Variants in TSHZ2 observed in about 807,000 individuals in gnomAD.
TSHZ2 encodes the protein teashirt homolog 2.
In TSHZ2, 21 loss-of-function variants were observed where a neutral mutation model predicts 74.4. The observed-to-expected ratio is 0.28, with a 90% CI of 0.20 to 0.41. The LOEUF (loss-of-function observed/expected upper bound fraction) is 0.41, where lower values mean the gene tolerates loss of function less well. TSHZ2 is among the 10% of genes least tolerant of loss of function. The probability of loss-of-function intolerance (pLI) is 1.00; values close to 1 mark genes in which losing one functional copy is unlikely to be tolerated. For synonymous variants in TSHZ2, 540 were observed against 515.3 expected (o/e 1.05, Z -0.65); for missense variants, 1,244 against 1,293.5 (o/e 0.96, Z 0.59).
At chr20:53,315,010 A>C (rs1271262952) in intron 2 of TSHZ2, among the ~76,000 whole-genome samples, 1 of 152,218 alleles carries the variant, frequency 6.6e-6, no homozygotes, top group Non-Finnish European at 1.5e-5. Flanking sequence ...AAGAATTGAC[A>C]CAATATTACC....
intron 2 of TSHZ2, among the ~76,000 whole-genome samples, chr20:53,338,585 G>T (rs1023903337): frequency 4.6e-5 from 7 of 152,200 alleles, no homozygotes; most frequent in Admixed American, 3.9e-4. Context: ...ATCATGACTT[G>T]GAGGGCTGGG....
intron 1 of TSHZ2, among the ~76,000 whole-genome samples, chr20:53,144,029 C>A (rs1302133515): frequency 6.6e-6 from 1 of 152,070 alleles, no homozygotes; most frequent in Admixed American, 6.6e-5. Context: ...TGTACTCTTG[C>A]ACTAAGTCAG....
Position 52,972,422 on chromosome 20 carries a change from G to GGT in TSHZ2, c.-859_-858dup, listed in dbSNP as rs370946896. The GGT allele has an allele frequency of 1.4e-5, 2 of 143,970 alleles. No homozygotes were observed. The highest frequency in any genetic ancestry group is 2.5e-5 in the African/African-American group (1 of 40,628). 8.9% of individuals were successfully genotyped at this position (143,970 alleles called of 1,614,324 possible). ...GCCCTGTCTTGTGTGTGTGTGCGAG[G>GGT]GTGTGTGTGTGTGTTTGTGTGTGTG... On this transcript the variant is annotated 5_prime_UTR_variant, in exon 1 of 3. The change creates a premature stop within an existing upstream ORF in the 5' untranslated region. Transcript: ENST00000371497.
chr20:53,008,475 T>C (rs1600642845), intron 1 of TSHZ2, among the ~76,000 whole-genome samples: 1 of 152,036 alleles, frequency 6.6e-6, no homozygotes, highest in East Asian at 1.9e-4. Flanking sequence ...TTAGGGTTCT[T>C]CCCCTGACAG....
intron 2 of TSHZ2, among the ~76,000 whole-genome samples, chr20:53,414,283 T>G (rs937026516): frequency 1.4e-4 from 21 of 152,150 alleles, no homozygotes; most frequent in Non-Finnish European, 2.8e-4. Context: ...TTTTACTAAG[T>G]TCTTGTACTG....
intron 1 of TSHZ2, among the ~76,000 whole-genome samples, chr20:53,239,561 G>A (rs1990018358): frequency 6.6e-6 from 1 of 151,984 alleles, no homozygotes; most frequent in Admixed American, 6.5e-5. Flanking sequence ...TTGTCCAGCA[G>A]TAGAGAAGAC....
intron 1 of TSHZ2, among the ~76,000 whole-genome samples, chr20:52,997,880 A>G (rs1488264390): frequency 2.6e-5 from 4 of 152,224 alleles, no homozygotes; most frequent in Non-Finnish European, 5.9e-5. Context: ...TAGGATAAAC[A>G]GATGGCCTTA....
chr20:53,035,017 A>G (rs370620300), intron 1 of TSHZ2, among the ~76,000 whole-genome samples: 1 of 152,184 alleles, frequency 6.6e-6, no homozygotes, highest in Non-Finnish European at 1.5e-5. Flanking sequence ...AGAAAGAGAT[A>G]ATTATCACTG....
chr20:53,335,786 C>G (rs1979921245), intron 2 of TSHZ2, among the ~76,000 whole-genome samples: 1 of 150,992 alleles, frequency 6.6e-6, no homozygotes, highest in African/African-American at 2.5e-5. Flanking sequence ...CTCACAAGCA[C>G]TAGAAAAAAA....
chr20:53,068,002 T>G (rs1985046253), intron 1 of TSHZ2, among the ~76,000 whole-genome samples: 2 of 152,312 alleles, frequency 1.3e-5, no homozygotes, highest in South Asian at 4.1e-4. Flanking sequence ...CTGTGTCTGT[T>G]GTTACATGGC....
At chr20:53,403,434 GATT>G (rs1253359162) in intron 2 of TSHZ2, among the ~76,000 whole-genome samples, 2 of 152,116 alleles carry the variant, frequency 1.3e-5, no homozygotes, top group Non-Finnish European at 2.9e-5. Context: ...TTTCTTTTTA[GATT>G]ATTACCAAAT....
chr20:53,001,160 C>T (rs1982391970), intron 1 of TSHZ2, among the ~76,000 whole-genome samples: 1 of 149,388 alleles, frequency 6.7e-6, no homozygotes, highest in Admixed American at 6.7e-5. Context: ...CCCAGAGAGA[C>T]CCGGTCTGGG....
At chr20:53,056,594 G>A (rs1984648270) in intron 1 of TSHZ2, among the ~76,000 whole-genome samples, 1 of 152,000 alleles carries the variant, frequency 6.6e-6, no homozygotes, top group Non-Finnish European at 1.5e-5. Flanking sequence ...CTAAGGACAG[G>A]GTTCTTTGTT....
chr20:53,308,542 T>C (rs374029731), intron 2 of TSHZ2, among the ~76,000 whole-genome samples: 21 of 152,248 alleles, frequency 1.4e-4, no homozygotes, highest in African/African-American at 4.1e-4. Context: ...GAATGATCCA[T>C]GTCGAATGCA....
chr20:53,150,454 G>C (rs546548646), intron 1 of TSHZ2, among the ~76,000 whole-genome samples: 176 of 152,170 alleles, frequency 1.2e-3, no homozygotes, highest in African/African-American at 4.0e-3. Flanking sequence ...TCACATAAAT[G>C]GTTGAAAAAT....
intron 2 of TSHZ2, among the ~76,000 whole-genome samples, chr20:53,309,006 C>T (rs1183083597): frequency 6.6e-6 from 1 of 152,166 alleles, no homozygotes; most frequent in Non-Finnish European, 1.5e-5. Flanking sequence ...GACTGAAGGC[C>T]ATTCAGGTTC....
At chr20:53,138,962 A>C (rs1226291311) in intron 1 of TSHZ2, among the ~76,000 whole-genome samples, 1 of 152,250 alleles carries the variant, frequency 6.6e-6, no homozygotes, top group Non-Finnish European at 1.5e-5. Flanking sequence ...TGTCTACAGG[A>C]CAGGGAGGTC....
intron 2 of TSHZ2, among the ~76,000 whole-genome samples, chr20:53,367,300 A>T (rs1479408247): frequency 6.6e-6 from 1 of 151,586 alleles, no homozygotes; most frequent in Admixed American, 6.6e-5. Context: ...GCTACTCAGG[A>T]GACTGAGGCA....
intron 2 of TSHZ2, among the ~76,000 whole-genome samples, chr20:53,272,888 G>A (rs576396108): frequency 1.3e-5 from 2 of 152,302 alleles, no homozygotes; most frequent in Middle Eastern, 6.8e-3. Context: ...CATCTATTGA[G>A]CACATAAATA....
Sources: allele counts gnomAD v4.1 joint callset (sites outside exome capture counted in the v4.1 genomes callset), GRCh38; gene constraint gnomAD v4.1.1; transcripts MANE v1.5; gene names NCBI Gene and HGNC (gene_info 2026-07-23, HGNC 2026-07-21).